Variants in TBX2 observed in about 807,000 individuals in gnomAD.
The protein encoded by TBX2 is T-box transcription factor TBX2.
In TBX2, 19 loss-of-function variants were observed where a neutral mutation model predicts 48.4. That is an observed-to-expected ratio of 0.39 (90% CI 0.27 to 0.58). The LOEUF is 0.58. Among genes scored for constraint, TBX2 ranks in the 20% least tolerant of loss-of-function variants. The probability of loss-of-function intolerance (pLI) is 0.54; values close to 1 mark genes in which losing one functional copy is unlikely to be tolerated. For synonymous variants in TBX2, 522 were observed against 459.7 expected, an observed-to-expected ratio of 1.14 and a Z score of -1.73; for missense variants, 994 against 1,006.5, an observed-to-expected ratio of 0.99 and a Z score of 0.17.
intron 1 of TBX2, among the ~76,000 whole-genome samples, chr17:61,401,409 A>T (rs1363903165): frequency 1.3e-5 from 2 of 152,182 alleles, no homozygotes; most frequent in Non-Finnish European, 2.9e-5. Context: ...CTTTCATCTC[A>T]GATCAGGGAG....
chr17:61,401,156 C>A (rs376467716), intron 1 of TBX2, among the ~76,000 whole-genome samples: 1 of 152,174 alleles, frequency 6.6e-6, no homozygotes, highest in Non-Finnish European at 1.5e-5. Context: ...GCCACAGCCC[C>A]GGCCCCTCCA....
Position 61,401,733 on chromosome 17 carries a change from G to A in TBX2, c.445G>A (p.Ala149Thr). 6.2e-7 allele frequency: 1 copy of A among 1,613,052 alleles called. No homozygotes were observed. Among genetic ancestry groups the A allele is most frequent in the Non-Finnish European group, 8.5e-7 (1 of 1,180,008 alleles). ...KVRVSGLDKK[A>T]KYILLMDIVA... ...GCGAGTCAGCGGCCTGGACAAGAAG[G>A]CCAAGTATATCCTGCTGATGGACAT... Residue 149 changes from alanine (A) to threonine (T), a missense_variant, in exon 2 of 7, where the codon GCC becomes ACC. By Grantham distance (58) the Ala-to-Thr change is moderately conservative (BLOSUM62 0). Coordinates refer to ENST00000240328, the MANE Select transcript of TBX2 (RefSeq NM_005994.4).
chr17:61,401,762 A>T lies in TBX2; in HGVS notation c.474A>T (p.Val158=). ...KAKYILLMDI[V]AADDCRYKFH... The stretch of plus-strand genomic sequence containing the variant: ...AGTATATCCTGCTGATGGACATTGT[A>T]GCCGCTGACGATTGCCGCTATAAGT... The change falls in exon 2 of 7, where the codon GTA becomes GTT. Residue 158 remains valine, a synonymous_variant. Transcript: ENST00000240328. 1 of 1,613,058 alleles carries T rather than the reference A, an allele frequency of 6.2e-7. No homozygotes were observed.
chr17:61,404,382 C>T (rs747572070), intron 3 of TBX2, 39 bp from the exon 4 acceptor site: 5 of 1,567,688 alleles, frequency 3.2e-6, no homozygotes, highest in Admixed American at 1.8e-5. Context: ...GCTGGAAGAG[C>T]CACGGCCTGA....
chr17:61,401,056 T>C (rs1382841983), intron 1 of TBX2, among the ~76,000 whole-genome samples: 4 of 152,050 alleles, frequency 2.6e-5, no homozygotes, highest in Non-Finnish European at 5.9e-5. Flanking sequence ...AGCCGAGCCC[T>C]CCGCCTCACC....
In TBX2 at chr17:61,400,934, G is replaced by C. The variant is rs1026571516; in HGVS notation, c.395+363G>C. 3.3e-5 allele frequency among the ~76,000 whole-genome samples: 5 copies of C among 152,120 alleles called. No homozygotes were observed. The highest frequency in any genetic ancestry group is 6.5e-5 in the Admixed American group (1 of 15,280). On this transcript the variant is annotated intron_variant, in intron 1 of 6. Coordinates refer to ENST00000240328, the MANE Select transcript of TBX2 (RefSeq NM_005994.4). This position sits in a 1 kb window ranked among gnomAD's most constrained non-coding sequence, Gnocchi z 9.2. ...TGCGTCCGGGTCCGTCTCCGAGCTC[G>C]GGGGAAATTCAGCCTCTCTCAGACT...
intron 1 of TBX2, among the ~76,000 whole-genome samples, chr17:61,401,256 C>A (rs945513097): frequency 6.6e-6 from 1 of 152,158 alleles, no homozygotes; most frequent in East Asian, 1.9e-4. Flanking sequence ...GGCTCTGTAG[C>A]CCAGTTCCCA....
In TBX2 at chr17:61,403,251, C is replaced by T; in HGVS notation, c.810+44C>T. Reference sequence around the variant, plus strand: ...GGGCTAAGCCCCTGCACTGACGCCCCTCAACACGTGCAGGCCCAACCGTCC... The same window carrying T: ...GGGCTAAGCCCCTGCACTGACGCCCTTCAACACGTGCAGGCCCAACCGTCC... On this transcript the variant is annotated intron_variant, in intron 3 of 6. Transcript: ENST00000240328. The surrounding 1 kb of genome is among the most constrained non-coding windows in gnomAD (Gnocchi z 5.8). 2 of 1,601,782 alleles carry T rather than the reference C, an allele frequency of 1.2e-6. No homozygotes were observed. Among genetic ancestry groups the T allele is most frequent in the South Asian group, 2.2e-5 (2 of 90,394 alleles).
chr17:61,400,184 A>G lies in TBX2; in HGVS notation c.8A>G (p.Glu3Gly). 8.8e-7 allele frequency: 1 copy of G among 1,130,724 alleles called. No individual in the cohort carries two copies. The allele number at this position is 1,130,724 out of a possible 1,614,324, so 70.0% of individuals were successfully genotyped here. A position where few individuals can be genotyped will look rare whatever the true frequency, so the allele number is the denominator to read the frequency against. Residue 3 changes from glutamate to glycine, a missense_variant, in exon 1 of 7, where the codon GAG (glutamate) becomes GGG (glycine). By Grantham distance (98) the Glu-to-Gly change is moderately conservative. Around this residue, in one of 5 missense-constraint regions of TBX2, gnomAD observed 165 missense variants for 136.8 expected, o/e 1.21. Transcript: ENST00000240328. This position sits in a 1 kb window ranked among gnomAD's most constrained non-coding sequence, Gnocchi z 9.2. ...CCTGGGCCGGATGTCCCGATGAGAG[A>G]GCCGGCGCTGGCGGCCAGCGCCATG... MR[E>G]PALAASAMAY...
Position 61,409,317 on chromosome 17 carries a change from G to C in TBX2, c.*811G>C, listed in dbSNP as rs573471503. On this transcript the variant is annotated 3_prime_UTR_variant, in exon 7 of 7. Coordinates refer to ENST00000240328, the MANE Select transcript of TBX2 (RefSeq NM_005994.4). ...AGAGCCCTGGAGGAGCCACCACCCC[G>C]CCGGCCCCTCGACCCCTCGGCCCCT... 1 of 152,368 alleles carries C rather than the reference G, an allele frequency of 6.6e-6. No individual in the cohort carries two copies. 9.4% of individuals were successfully genotyped at this position (152,368 alleles called of 1,614,324 possible). A position where few individuals can be genotyped will look rare whatever the true frequency, so the allele number is the denominator to read the frequency against.
rs993421557 is a variant in TBX2, at chr17:61,403,959, C to T, written c.811-462C>T. 6.6e-6 allele frequency among the ~76,000 whole-genome samples: 1 copy of T among 152,116 alleles called. No individual in the cohort carries two copies. The highest frequency in any genetic ancestry group is 1.5e-5 in the Non-Finnish European group (1 of 68,018). ...GGATACCTGTGGAGGCATGTGAATT[C>T]GTTTGGTTCCGTAGGCGTTTGTTAT... On this transcript the variant is annotated intron_variant, in intron 3 of 6. Coordinates refer to ENST00000240328, the MANE Select transcript of TBX2 (RefSeq NM_005994.4). This position sits in a 1 kb window ranked among gnomAD's most constrained non-coding sequence, Gnocchi z 5.8.
rs1430072477 is a variant in TBX2 at position 61,403,017 on chromosome 17, G to A, written c.664-44G>A. 6 of 1,563,646 alleles carry A rather than the reference G, an allele frequency of 3.8e-6. No individual in the cohort carries two copies. The highest frequency in any genetic ancestry group is 1.9e-5 in the Admixed American group (1 of 52,248). On this transcript the variant is annotated intron_variant, in intron 2 of 6. Transcript: ENST00000240328. This position sits in a 1 kb window ranked among gnomAD's most constrained non-coding sequence, Gnocchi z 5.8. ...GGTACCCAAAGAATAGAAAAGCTCGGGCCGGGGCTGGTGGCTGCCGGCTGA... is the reference window on the plus strand; with the variant it reads ...GGTACCCAAAGAATAGAAAAGCTCGAGCCGGGGCTGGTGGCTGCCGGCTGA...
chr17:61,401,931 A>G lies in TBX2; in HGVS notation c.643A>G (p.Ile215Val), dbSNP rs1231220422. ...AFHKLKLTNN[I>V]SDKHGFTILN... is the part of the protein sequence containing the mutation. ...CCACAAGCTGAAGCTGACCAACAAC[A>G]TCTCTGACAAGCACGGCTTCGTGAG... Residue 215 changes from isoleucine (I) to valine (V), a missense_variant, in exon 2 of 7, where the codon ATC (isoleucine) becomes GTC (valine). Transcript: ENST00000240328. 2.5e-6 allele frequency: 4 copies of G among 1,604,672 alleles called. No individual in the cohort carries two copies. Among genetic ancestry groups the G allele is most frequent in the Non-Finnish European group, 3.4e-6 (4 of 1,174,334 alleles).
At chr17:61,402,049 C>G in intron 2 of TBX2, 98 bp downstream of exon 2, 2 of 1,486,110 alleles carry the variant, frequency 1.3e-6, no homozygotes, top group Non-Finnish European at 1.8e-6. Flanking sequence ...CAGGGGGAAG[C>G]GCTGGGCAAA....
chr17:61,404,151 A>T (rs376828877), intron 3 of TBX2, among the ~76,000 whole-genome samples: 11 of 152,218 alleles, frequency 7.2e-5, no homozygotes, highest in Middle Eastern at 3.4e-3. Flanking sequence ...TGGTTCCGAC[A>T]CTGTGGCACT....
chr17:61,404,987 G>C, intron 5 of TBX2: 2 of 1,275,140 alleles, frequency 1.6e-6, no homozygotes, highest in Non-Finnish European at 2.2e-6. Flanking sequence ...CTTGGGCGCC[G>C]TGTAATTCTA....
Position 61,403,353 on chromosome 17 carries a change from A to G in TBX2, c.810+146A>G, listed in dbSNP as rs2060273200. 1 of 1,325,150 alleles carries G rather than the reference A, an allele frequency of 7.5e-7. No individual in the cohort carries two copies. Among genetic ancestry groups the G allele is most frequent in the South Asian group, 1.4e-5 (1 of 72,486 alleles). The allele number at this position is 1,325,150 out of a possible 1,614,324, so 82.1% of individuals were successfully genotyped here. On this transcript the variant is annotated intron_variant, in intron 3 of 6. Coordinates refer to ENST00000240328, the MANE Select transcript of TBX2 (RefSeq NM_005994.4). The surrounding 1 kb of genome is among the most constrained non-coding windows in gnomAD (Gnocchi z 5.8). ...CCCCCGAGCACCGAGCCTCGCATCC[A>G]TACGCGCAGCACTCACGGAAGTCCT...
In TBX2 at chr17:61,405,407, G is replaced by C; in HGVS notation, c.1257G>C (p.Leu419=). Residue 419 remains leucine, a synonymous_variant, in exon 6 of 7, where the codon CTG becomes CTC. Coordinates refer to ENST00000240328, the MANE Select transcript of TBX2 (RefSeq NM_005994.4). The part of the protein sequence containing the change: ...AESGGDGPFG[L]RSLEKERAEA... ...GCGGCGGGGACGGCCCGTTCGGCCT[G>C]AGGAGCCTGGAGAAGGAGCGCGCCG... The C allele has an allele frequency of 2.6e-6, 4 of 1,541,972 alleles. No individual in the cohort carries two copies. Among genetic ancestry groups the C allele is most frequent in the East Asian group, 2.4e-5 (1 of 41,722 alleles).
Position 61,405,190 on chromosome 17 carries a change from C to A in TBX2, c.1052-12C>A. 1 of 1,491,556 alleles carries A rather than the reference C, an allele frequency of 6.7e-7. No homozygotes were observed. Among genetic ancestry groups the A allele is most frequent in the Non-Finnish European group, 8.9e-7 (1 of 1,127,516 alleles). 92.4% of individuals were successfully genotyped at this position (1,491,556 alleles called of 1,614,324 possible). On this transcript the variant is annotated splice_polypyrimidine_tract_variant and intron_variant, in intron 5 of 6. Transcript: ENST00000240328. Reference sequence around the variant, plus strand: ...CCCAGGCCCCTGTAATCCGCGCGCCCTCTCCCCGCAGCTGAGGAGAAGTCG... The same window carrying A: ...CCCAGGCCCCTGTAATCCGCGCGCCATCTCCCCGCAGCTGAGGAGAAGTCG...
Sources: allele counts gnomAD v4.1 joint callset (sites outside exome capture counted in the v4.1 genomes callset), GRCh38; gene constraint gnomAD v4.1.1; regional missense constraint gnomAD v4.1.1; non-coding constraint Gnocchi (gnomAD v3.1); transcripts MANE v1.5; gene names NCBI Gene and HGNC (gene_info 2026-07-23, HGNC 2026-07-21).